TRAPPC9: variants seen among roughly 807,000 people sequenced by gnomAD.
The protein encoded by TRAPPC9 is trafficking protein particle complex subunit 9.
Under a neutral mutation model 124.0 loss-of-function variants are expected in TRAPPC9, and 83 were observed. The observed-to-expected ratio is 0.67, with a 90% CI of 0.56 to 0.80. TRAPPC9 has a LOEUF of 0.80. TRAPPC9 is among the 30% of genes least tolerant of loss of function. TRAPPC9 has a pLI of 0.00. For synonymous variants in TRAPPC9, 638 were observed against 617.5 expected (o/e 1.03, Z -0.49); for missense variants, 1,302 against 1,508.3 (o/e 0.86, Z 2.27).
chr8:140,252,649 T>A lies in TRAPPC9; in HGVS notation c.2431+128A>T. On this transcript the variant is annotated intron_variant, in intron 16 of 22. Coordinates refer to ENST00000438773, the MANE Select transcript of TRAPPC9 (RefSeq NM_001160372.4). This position sits in a 1 kb window ranked among gnomAD's most constrained non-coding sequence, Gnocchi z 4.2. ...CTGTTAACAAAGTGCCCAGGAGATG[T>A]CTCAGGCAGCTTGAGTTAATGAATG... 1 of 1,085,746 alleles carries A rather than the reference T, an allele frequency of 9.2e-7. No homozygotes were observed. The highest frequency in any genetic ancestry group is 2.4e-5 in the East Asian group (1 of 41,868). The allele number at this position is 1,085,746 out of a possible 1,614,324, so 67.3% of individuals were successfully genotyped here.
chr8:139,798,487 C>T (rs898902450), intron 21 of TRAPPC9, among the ~76,000 whole-genome samples: 1 of 152,168 alleles, frequency 6.6e-6, no homozygotes, highest in African/African-American at 2.4e-5. Context: ...GATGAGAAGA[C>T]GGGGACCTGA....
At chr8:140,107,666 G>A (rs145673320) in intron 17 of TRAPPC9, among the ~76,000 whole-genome samples, 1 of 152,330 alleles carries the variant, frequency 6.6e-6, no homozygotes, top group African/African-American at 2.4e-5. Flanking sequence ...CAGTAGGTAA[G>A]CATGGCCAAG....
chr8:140,412,056 A>G (rs563182631), intron 5 of TRAPPC9, among the ~76,000 whole-genome samples: 30 of 152,368 alleles, frequency 2.0e-4, no homozygotes, highest in Admixed American at 7.8e-4. Context: ...TATTTCCCAC[A>G]AATTACTTAT....
intron 17 of TRAPPC9, among the ~76,000 whole-genome samples, chr8:140,026,330 G>A (rs4736015): frequency 0.45 from 68,165 of 151,994 alleles, 16,163 homozygotes; most frequent in Middle Eastern, 0.65. Context: ...CCCTGCTTTC[G>A]GTTCTTTGGG....
Position 140,258,108 on chromosome 8 carries a change from A to C in TRAPPC9, c.2279-5179T>G, listed in dbSNP as rs192468117. 4.0e-3 allele frequency among the ~76,000 whole-genome samples: 606 copies of C among 152,318 alleles called. 9 individuals carry two copies. The highest frequency in any genetic ancestry group is 3.9e-3 in the Non-Finnish European group (263 of 68,024). On this transcript the variant is annotated intron_variant, in intron 15 of 22. Transcript: ENST00000438773. ...GCAGAAAACTAGACACAAGACAACA[A>C]AGTATGTCATGACCAGGTCAGTCTG... is the stretch of plus-strand genomic sequence containing the variant.
intron 20 of TRAPPC9, among the ~76,000 whole-genome samples, chr8:139,892,911 G>C (rs571381537): frequency 6.6e-6 from 1 of 152,302 alleles, no homozygotes; most frequent in South Asian, 2.1e-4. Flanking sequence ...CAGCCAGGGG[G>C]AGGGGCCCTG....
At chr8:139,875,165 G>T (rs1829241983) in intron 21 of TRAPPC9, among the ~76,000 whole-genome samples, 3 of 152,202 alleles carry the variant, frequency 2.0e-5, no homozygotes, top group Admixed American at 6.5e-5. Flanking sequence ...GGGGGAAGAA[G>T]AGAGAGGAGG....
At chr8:139,770,672 G>C (rs984681673) in intron 21 of TRAPPC9, among the ~76,000 whole-genome samples, 2 of 152,364 alleles carry the variant, frequency 1.3e-5, no homozygotes, top group Admixed American at 1.3e-4. Flanking sequence ...CACAGAGCTG[G>C]GGGACATCAC....
intron 21 of TRAPPC9, among the ~76,000 whole-genome samples, chr8:139,830,968 C>T (rs558534884): frequency 1.3e-5 from 2 of 152,378 alleles, no homozygotes; most frequent in Admixed American, 6.5e-5. Context: ...CGCTGACTGA[C>T]ATTTACCCTG....
intron 16 of TRAPPC9, among the ~76,000 whole-genome samples, chr8:140,245,485 G>A (rs1588003812): frequency 6.6e-6 from 1 of 152,076 alleles, no homozygotes; most frequent in Non-Finnish European, 1.5e-5. Context: ...GTGTGTGTGT[G>A]TGTGTGTCTG....
At chr8:139,739,011 C>T (rs1201620472) in intron 21 of TRAPPC9, among the ~76,000 whole-genome samples, 1 of 152,196 alleles carries the variant, frequency 6.6e-6, no homozygotes, top group African/African-American at 2.4e-5. Context: ...TTCTGAAACC[C>T]AACGCGCCCC....
intron 19 of TRAPPC9, among the ~76,000 whole-genome samples, chr8:139,980,291 C>T (rs1300811449): frequency 1.3e-5 from 2 of 152,182 alleles, no homozygotes; most frequent in East Asian, 1.9e-4. Context: ...GTTCACTAAG[C>T]GGGTGGCTCC....
chr8:140,275,378 G>A (rs1422293785), intron 15 of TRAPPC9, among the ~76,000 whole-genome samples: 1 of 152,196 alleles, frequency 6.6e-6, no homozygotes, highest in Non-Finnish European at 1.5e-5. Context: ...TGAGGTCTGG[G>A]AAAGGGCACT....
rs183559150 is a variant in TRAPPC9, at chr8:140,183,933, A to G, written c.2556+37526T>C. 5.2e-3 allele frequency among the ~76,000 whole-genome samples: 145 copies of G among 27,952 alleles called. 4 individuals carry two copies. The highest frequency in any genetic ancestry group is 0.011 in the African/African-American group (128 of 11,444). The allele number at this position is 27,952 out of a possible 152,430, so 18.3% of individuals were successfully genotyped here. A position where few individuals can be genotyped will look rare whatever the true frequency, so the allele number is the denominator to read the frequency against. On this transcript the variant is annotated intron_variant, in intron 17 of 22. Coordinates refer to ENST00000438773, the MANE Select transcript of TRAPPC9 (RefSeq NM_001160372.4). ...AGAGGAGAGGAGAGGAGAGGAGAGG[A>G]GAGGAGAGGAGAGGAGAGGGGAGGG...
intron 11 of TRAPPC9, 178 bp from the exon 12 acceptor site, chr8:140,291,256 C>A: frequency 1.5e-6 from 1 of 679,036 alleles, no homozygotes; most frequent in Non-Finnish European, 2.7e-6. Flanking sequence ...TGAAACAAAG[C>A]AAGGTAGCTG....
At position 140,400,331 on chromosome 8, in the gene TRAPPC9, A is replaced by G. The variant is rs144595305; in HGVS notation, c.1009-2586T>C. Among the ~76,000 whole-genome samples the G allele has an allele frequency of 2.2e-3, 333 of 152,348 alleles. 3 individuals carry two copies. The highest frequency in any genetic ancestry group is 7.6e-3 in the African/African-American group (318 of 41,570). ...CATAAATGTGTATGCATTCATTAAA[A>G]TAATATGACCACAGTAGCTTGCTAT... is the stretch of plus-strand genomic sequence containing the variant. On this transcript the variant is annotated intron_variant, in intron 6 of 22. Transcript: ENST00000438773.
chr8:140,208,905 C>T (rs58863814), intron 17 of TRAPPC9, among the ~76,000 whole-genome samples: 44,535 of 151,914 alleles, frequency 0.29, 6,964 homozygotes, highest in East Asian at 0.58. Context: ...GCAGGGCCAA[C>T]TTTTCATATG....
chr8:140,300,570 T>C lies in TRAPPC9; in HGVS notation c.1667A>G (p.Lys556Arg). The C allele has an allele frequency of 1.2e-6, 2 of 1,614,226 alleles. No individual in the cohort carries two copies. Among genetic ancestry groups the C allele is most frequent in the Non-Finnish European group, 1.7e-6 (2 of 1,180,034 alleles). The change falls in exon 11 of 23, where the codon AAA (lysine) becomes AGA (arginine). Residue 556 changes from lysine (K) to arginine (R), a missense_variant. Around this residue, in one of 3 missense-constraint regions of TRAPPC9, gnomAD observed 657 missense variants for 811.2 expected, o/e 0.81. Transcript: ENST00000438773. ...GTTCTGACCCAGCAAGCTTTTCATTTTGTGTGGCCGGAGGCTAGCAGGAAG... is the reference window on the plus strand; with the variant it reads ...GTTCTGACCCAGCAAGCTTTTCATTCTGTGTGGCCGGAGGCTAGCAGGAAG... ...LNLPASLRPH[K>R]MKSLLGQNVS...
At chr8:140,042,741 G>C (rs543410172) in intron 17 of TRAPPC9, among the ~76,000 whole-genome samples, 1 of 152,294 alleles carries the variant, frequency 6.6e-6, no homozygotes, top group South Asian at 2.1e-4. Context: ...CCCAGCACCG[G>C]GCTGCTCCTG....
Sources: allele counts gnomAD v4.1 joint callset (sites outside exome capture counted in the v4.1 genomes callset), GRCh38; gene constraint gnomAD v4.1.1; regional missense constraint gnomAD v4.1.1; non-coding constraint Gnocchi (gnomAD v3.1); transcripts MANE v1.5; gene names NCBI Gene and HGNC (gene_info 2026-07-23, HGNC 2026-07-21).